SLC35A5: variants seen among roughly 807,000 people sequenced by gnomAD.
The protein encoded by SLC35A5 is solute carrier family 35 member A5.
A neutral mutation model predicts 36.3 loss-of-function variants in SLC35A5; 28 were observed. The ratio of observed to expected loss-of-function variants is 0.77; its 90% CI spans 0.57 to 1.06. The LOEUF (loss-of-function observed/expected upper bound fraction) is 1.06, where lower values mean the gene tolerates loss of function less well. Among genes scored for constraint, SLC35A5 ranks in the 50% least tolerant of loss-of-function variants. The pLI is 0.00. For missense variants in SLC35A5, 521 were observed against 499.3 expected (o/e 1.04, Z -0.41); for synonymous variants, 180 against 173.7 (o/e 1.04, Z -0.29).
rs1935072740 is a variant in SLC35A5 at position 112,584,565 on chromosome 3, C to T, written c.*1829C>T. On this transcript the variant is annotated 3_prime_UTR_variant, in exon 7 of 7. Coordinates refer to ENST00000492406, the MANE Select transcript of SLC35A5 (RefSeq NM_017945.5). ...CTTCCTCTTTGGAAAGCATTTTTTG[C>T]ACAAAGTTAAGTTTACTTATGTTAA... is the stretch of plus-strand genomic sequence containing the variant. 1 of 151,986 alleles carries T rather than the reference C, an allele frequency of 6.6e-6. No homozygotes were observed. The highest frequency in any genetic ancestry group is 1.5e-5 in the Non-Finnish European group (1 of 67,974). The allele number at this position is 151,986 out of a possible 1,614,324, so 9.4% of individuals were successfully genotyped here.
At chr3:112,575,878 G>A (rs1934648315) in intron 5 of SLC35A5, among the ~76,000 whole-genome samples, 1 of 150,072 alleles carries the variant, frequency 6.7e-6, no homozygotes, top group Non-Finnish European at 1.5e-5. Flanking sequence ...TTGTTCCTCA[G>A]CCTCCCAAGT....
In SLC35A5 at chr3:112,583,214, G is replaced by T. The variant is rs188523483; in HGVS notation, c.*478G>T. On this transcript the variant is annotated 3_prime_UTR_variant, in exon 7 of 7. Transcript: ENST00000492406. ...AGTCATTTTGCAAGTAAAGAGCAAC[G>T]GGACCCTTTCTAAAAACGTTGGTTG... 1 of 397,340 alleles carries T rather than the reference G, an allele frequency of 2.5e-6. No homozygotes were observed. Among genetic ancestry groups the T allele is most frequent in the African/African-American group, 2.1e-5 (1 of 48,522 alleles). The allele number at this position is 397,340 out of a possible 1,614,324, so 24.6% of individuals were successfully genotyped here.
intron 6 of SLC35A5, among the ~76,000 whole-genome samples, chr3:112,582,469 T>G (rs966288370): frequency 6.6e-6 from 1 of 152,184 alleles, no homozygotes; most frequent in Admixed American, 6.6e-5. Context: ...CTTTGAAATT[T>G]TGAGTACTGA....
chr3:112,585,382 G>T lies in SLC35A5; in HGVS notation c.*2646G>T, dbSNP rs1994713. The T allele has an allele frequency of 0.73, 111,596 of 151,880 alleles. 45,702 individuals are homozygous for T. Among genetic ancestry groups the T allele is most frequent in the Non-Finnish European group, 0.92 (62,267 of 67,902 alleles). 9.4% of individuals were successfully genotyped at this position (151,880 alleles called of 1,614,324 possible). A position where few individuals can be genotyped will look rare whatever the true frequency, so the allele number is the denominator to read the frequency against. Reference sequence around the variant, plus strand: ...CAATTCAAGATGAGATTTGGGCGGGGACAGAAAGCCTAATCATATCAGATG... The same window carrying T: ...CAATTCAAGATGAGATTTGGGCGGGTACAGAAAGCCTAATCATATCAGATG... On this transcript the variant is annotated 3_prime_UTR_variant, in exon 7 of 7. Coordinates refer to ENST00000492406, the MANE Select transcript of SLC35A5 (RefSeq NM_017945.5).
At position 112,584,337 on chromosome 3, in the gene SLC35A5, G is replaced by A. The variant is rs1877363; in HGVS notation, c.*1601G>A. On this transcript the variant is annotated 3_prime_UTR_variant, in exon 7 of 7. Coordinates refer to ENST00000492406, the MANE Select transcript of SLC35A5 (RefSeq NM_017945.5). The stretch of plus-strand genomic sequence containing the variant: ...GAAATACGAAGATTATATCTATTAT[G>A]GCGATTTATTTTAAAGGTAAGGGAA... The A allele has an allele frequency of 0.74, 111,766 of 152,048 alleles. 45,778 individuals are homozygous for A. The highest frequency in any genetic ancestry group is 0.92 in the Non-Finnish European group (62,360 of 67,992). The allele number at this position is 152,048 out of a possible 1,614,324, so 9.4% of individuals were successfully genotyped here.
intron 2 of SLC35A5, among the ~76,000 whole-genome samples, chr3:112,567,267 C>T (rs1408852958): frequency 1.3e-5 from 2 of 151,704 alleles, no homozygotes; most frequent in African/African-American, 4.8e-5. Flanking sequence ...CAAAAAGATA[C>T]ACTAAAGCCA....
intron 3 of SLC35A5, among the ~76,000 whole-genome samples, chr3:112,569,705 G>A (rs1174583397): frequency 1.3e-5 from 2 of 152,212 alleles, no homozygotes; most frequent in South Asian, 2.1e-4. Flanking sequence ...CTGAGCTCCA[G>A]TTTTCTGAGC....
rs143181636 is a variant in SLC35A5, at chr3:112,563,658, C to T, written c.130+125C>T. 2.0e-4 allele frequency: 203 copies of T among 1,034,078 alleles called. No individual in the cohort carries two copies. In the African/African-American group the frequency reaches 2.9e-3, roughly 15 times the overall value. 64.1% of individuals were successfully genotyped at this position (1,034,078 alleles called of 1,614,324 possible). On this transcript the variant is annotated intron_variant, in intron 2 of 6. Transcript: ENST00000492406. ...CTTTTGCTTCATGTGAGTGATAAAG[C>T]ATATTTAAATTTGATTATTTAACCT...
chr3:112,561,722 A>T, upstream of SLC35A5: 1 of 590,190 alleles, frequency 1.7e-6, no homozygotes, highest in Non-Finnish European at 2.9e-6. Flanking sequence ...GCGCGCGAAG[A>T]CGGGGTGCGC....
intron 5 of SLC35A5, among the ~76,000 whole-genome samples, chr3:112,575,154 A>G (rs1395365960): frequency 6.6e-6 from 1 of 152,186 alleles, no homozygotes; most frequent in Non-Finnish European, 1.5e-5. Flanking sequence ...TTCTGTGAAG[A>G]TAAAATGGTT....
intron 2 of SLC35A5, 115 bp downstream of exon 2, chr3:112,563,648 A>G: frequency 9.1e-7 from 1 of 1,094,942 alleles, no homozygotes; most frequent in South Asian, 3.1e-5. Context: ...GCTTCATGTG[A>G]GTGATAAAGC....
chr3:112,581,622 G>T (rs1934934110), intron 6 of SLC35A5, among the ~76,000 whole-genome samples: 1 of 151,972 alleles, frequency 6.6e-6, no homozygotes, highest in African/African-American at 2.4e-5. Flanking sequence ...TGTCCTGTCT[G>T]CATAGTTTTA....
chr3:112,572,492 A>C (rs1934491967), intron 4 of SLC35A5, among the ~76,000 whole-genome samples: 1 of 152,196 alleles, frequency 6.6e-6, no homozygotes, highest in Admixed American at 6.5e-5. Flanking sequence ...CAACAAAATT[A>C]TGCAAATTCA....
At chr3:112,581,744 C>T (rs1408360149) in intron 6 of SLC35A5, among the ~76,000 whole-genome samples, 1 of 152,142 alleles carries the variant, frequency 6.6e-6, no homozygotes, top group East Asian at 1.9e-4. Context: ...AAAATAAGCT[C>T]ATTTGTGAGA....
At chr3:112,561,514 A>G, upstream of SLC35A5, 1 of 1,612,176 alleles carries the variant, frequency 6.2e-7, no homozygotes, top group Non-Finnish European at 8.5e-7. Context: ...TCACAGTATT[A>G]ATCACATTCT....
intron 1 of SLC35A5, among the ~76,000 whole-genome samples, chr3:112,562,714 A>G (rs1933983230): frequency 6.6e-6 from 1 of 152,224 alleles, no homozygotes; most frequent in Non-Finnish European, 1.5e-5. Context: ...GAGGGAAAAG[A>G]GGAGGAAAAT....
chr3:112,569,068 G>A (rs938855893), intron 2 of SLC35A5, 103 bp from the exon 3 acceptor site: 21 of 871,680 alleles, frequency 2.4e-5, no homozygotes, highest in Admixed American at 1.6e-4. Flanking sequence ...AATATAACCA[G>A]TAGTAAATCC....
At position 112,567,700 on chromosome 3, in the gene SLC35A5, G is replaced by T. The variant is rs192783709; in HGVS notation, c.131-1471G>T. Among the ~76,000 whole-genome samples, 204 of 152,318 alleles carry T rather than the reference G, an allele frequency of 1.3e-3. 1 individual carries two copies. Among genetic ancestry groups the T allele is most frequent in the Non-Finnish European group, 1.1e-3 (73 of 68,028 alleles). ...GAAACCAGTGAATGCCATGTAGAAAGGTATGTTAGTGTGGGCAGGAGATGT... is the reference window on the plus strand; with the variant it reads ...GAAACCAGTGAATGCCATGTAGAAATGTATGTTAGTGTGGGCAGGAGATGT... On this transcript the variant is annotated intron_variant, in intron 2 of 6. Transcript: ENST00000492406.
chr3:112,563,785 C>T (rs1464444616), intron 2 of SLC35A5, among the ~76,000 whole-genome samples: 3 of 152,198 alleles, frequency 2.0e-5, no homozygotes, highest in Admixed American at 6.5e-5. Flanking sequence ...TAACATTTGA[C>T]TGTTAATTCA....
Sources: allele counts gnomAD v4.1 joint callset (sites outside exome capture counted in the v4.1 genomes callset), GRCh38; gene constraint gnomAD v4.1.1; transcripts MANE v1.5; gene names NCBI Gene and HGNC (gene_info 2026-07-23, HGNC 2026-07-21).